The following GRID2 variants were observed in gnomAD, a reference collection of about 807,000 sequenced individuals.
GRID2 encodes the protein glutamate ionotropic receptor delta type subunit 2.
Under a neutral mutation model 114.8 loss-of-function variants are expected in GRID2, and 33 were observed. That is an observed-to-expected ratio of 0.29 (90% CI 0.22 to 0.38). The LOEUF is 0.38. GRID2 is among the 10% of genes least tolerant of loss of function. The pLI, the probability that GRID2 is intolerant of heterozygous loss-of-function variation, is 1.00. For synonymous variants in GRID2, 505 were observed against 449.9 expected (o/e 1.12, Z -1.55); for missense variants, 1,184 against 1,257.7 (o/e 0.94, Z 0.89).
chr4:92,752,816 T>C (rs1737518552), intron 2 of GRID2, among the ~76,000 whole-genome samples: 1 of 152,318 alleles, frequency 6.6e-6, no homozygotes, highest in South Asian at 2.1e-4. Flanking sequence ...AATGTCTGTG[T>C]CTGTAACTTT....
intron 13 of GRID2, among the ~76,000 whole-genome samples, chr4:93,605,273 T>C (rs7666462): frequency 1.8e-3 from 274 of 152,338 alleles, no homozygotes; most frequent in Non-Finnish European, 3.1e-3. Flanking sequence ...ATTAGCCACA[T>C]TTCAAGTGCT....
At chr4:92,359,974 T>C (rs1053430820) in intron 1 of GRID2, among the ~76,000 whole-genome samples, 4 of 152,088 alleles carry the variant, frequency 2.6e-5, no homozygotes, top group Admixed American at 6.6e-5. Context: ...AGAATTCTCA[T>C]CTATCTGAAT....
At chr4:93,389,893 ATT>A (rs1764686443) in intron 8 of GRID2, among the ~76,000 whole-genome samples, 1 of 151,902 alleles carries the variant, frequency 6.6e-6, no homozygotes, top group Admixed American at 6.6e-5. Context: ...GGTTCAAGCA[ATT>A]CTCCCGCCTC....
At chr4:93,243,696 T>G (rs1191172605) in intron 8 of GRID2, among the ~76,000 whole-genome samples, 2 of 152,094 alleles carry the variant, frequency 1.3e-5, no homozygotes, top group Non-Finnish European at 2.9e-5. Context: ...TTTTTTTGAG[T>G]TTGGTGAGAA....
chr4:93,457,949 A>AT (rs149132353), intron 11 of GRID2, among the ~76,000 whole-genome samples: 36,652 of 152,080 alleles, frequency 0.24, 5,407 homozygotes, highest in Non-Finnish European at 0.34. Flanking sequence ...AGATGCACAG[A>AT]AGAGACATCT....
At chr4:92,620,815 A>C (rs1730234134) in intron 2 of GRID2, among the ~76,000 whole-genome samples, 1 of 151,062 alleles carries the variant, frequency 6.6e-6, no homozygotes, top group Non-Finnish European at 1.5e-5. Context: ...GTGGGGAGGG[A>C]TAGCATTAGG....
intron 13 of GRID2, among the ~76,000 whole-genome samples, chr4:93,573,598 A>G (rs1315560372): frequency 1.3e-5 from 2 of 152,182 alleles, no homozygotes; most frequent in Non-Finnish European, 2.9e-5. Flanking sequence ...TTAGTAAAGC[A>G]TGGACTATCT....
intron 11 of GRID2, among the ~76,000 whole-genome samples, chr4:93,480,975 A>C (rs1725805879): frequency 6.6e-6 from 1 of 151,930 alleles, no homozygotes; most frequent in African/African-American, 2.4e-5. Flanking sequence ...TCATTCTTTA[A>C]TTAGCCAATC....
intron 2 of GRID2, among the ~76,000 whole-genome samples, chr4:92,754,708 G>A (rs938268893): frequency 6.6e-6 from 1 of 152,030 alleles, no homozygotes; most frequent in Non-Finnish European, 1.5e-5. Context: ...TTTTGAAATG[G>A]TATTTCAATA....
chr4:92,819,821 T>A (rs1741156140), intron 2 of GRID2, among the ~76,000 whole-genome samples: 1 of 152,130 alleles, frequency 6.6e-6, no homozygotes, highest in Non-Finnish European at 1.5e-5. Flanking sequence ...TATTAAGCAG[T>A]TTTAATTGCA....
At chr4:92,847,836 ATAAAG>A (rs1052104464) in intron 2 of GRID2, among the ~76,000 whole-genome samples, 6 of 152,174 alleles carry the variant, frequency 3.9e-5, no homozygotes, top group African/African-American at 1.2e-4. Flanking sequence ...TTTTTTAAAA[ATAAAG>A]TATACTAAAA....
intron 2 of GRID2, among the ~76,000 whole-genome samples, chr4:92,639,019 T>A (rs866623564): frequency 5.9e-5 from 9 of 151,314 alleles, no homozygotes; most frequent in African/African-American, 2.2e-4. Context: ...TATTTCACTT[T>A]CCATGCTTCA....
chr4:93,332,825 G>T (rs972884498), intron 8 of GRID2, among the ~76,000 whole-genome samples: 4 of 151,952 alleles, frequency 2.6e-5, no homozygotes, highest in African/African-American at 7.2e-5. Flanking sequence ...CTAATGAGAC[G>T]CCTTTCTTTA....
intron 1 of GRID2, among the ~76,000 whole-genome samples, chr4:92,510,240 A>G (rs539888820): frequency 4.1e-4 from 62 of 152,092 alleles, no homozygotes; most frequent in Non-Finnish European, 7.8e-4. Flanking sequence ...AGAGAAAAAA[A>G]GCATATAAGG....
At chr4:93,558,606 C>T (rs1171671465) in intron 13 of GRID2, among the ~76,000 whole-genome samples, 2 of 152,028 alleles carry the variant, frequency 1.3e-5, no homozygotes, top group Non-Finnish European at 2.9e-5. Context: ...GCCTACCAAC[C>T]GAAAAATGCC....
At chr4:92,879,280 G>C (rs1745838599) in intron 2 of GRID2, among the ~76,000 whole-genome samples, 1 of 152,168 alleles carries the variant, frequency 6.6e-6, no homozygotes, top group Non-Finnish European at 1.5e-5. Flanking sequence ...AGTAAATACT[G>C]ATGTGACTGA....
intron 4 of GRID2, among the ~76,000 whole-genome samples, chr4:93,129,746 G>A (rs1734622019): frequency 6.6e-6 from 1 of 152,094 alleles, no homozygotes; most frequent in Non-Finnish European, 1.5e-5. Context: ...TTGTCTCCAT[G>A]ATGTTTGGCA....
At chr4:93,469,088 C>T (rs1004594823) in intron 11 of GRID2, among the ~76,000 whole-genome samples, 1 of 152,034 alleles carries the variant, frequency 6.6e-6, no homozygotes, top group Non-Finnish European at 1.5e-5. Flanking sequence ...TCAAGAGATA[C>T]GTCTCATTCC....
At chr4:92,804,751 C>G (rs1740334066) in intron 2 of GRID2, among the ~76,000 whole-genome samples, 1 of 151,964 alleles carries the variant, frequency 6.6e-6, no homozygotes, top group South Asian at 2.1e-4. Context: ...TTTGCAAATG[C>G]AACTGCAAGT....
Sources: allele counts gnomAD v4.1 joint callset (sites outside exome capture counted in the v4.1 genomes callset), GRCh38; gene constraint gnomAD v4.1.1; transcripts MANE v1.5; gene names NCBI Gene and HGNC (gene_info 2026-07-23, HGNC 2026-07-21).